The following LAMA3 variants were observed in gnomAD, a reference collection of about 807,000 sequenced individuals.
The protein encoded by LAMA3 is laminin subunit alpha-3.
In LAMA3, 281 loss-of-function variants were observed where a neutral mutation model predicts 402.0. That is an observed-to-expected ratio of 0.70 (90% CI 0.63 to 0.77). The LOEUF (loss-of-function observed/expected upper bound fraction) is 0.77. Ranked by LOEUF, LAMA3 falls within the 30% of genes least tolerant of loss-of-function variation. The probability of loss-of-function intolerance (pLI) is 0.00; values close to 1 mark genes in which losing one functional copy is unlikely to be tolerated. For synonymous variants in LAMA3, 1,431 were observed against 1,558.4 expected (o/e 0.92, Z 1.93); for missense variants, 3,840 against 4,215.5 (o/e 0.91, Z 2.47).
chr18:23,879,234 G>A lies in LAMA3; in HGVS notation c.5113-2702G>A, dbSNP rs918293007. 6.6e-6 allele frequency among the ~76,000 whole-genome samples: 1 copy of A among 152,178 alleles called. No homozygotes were observed. ...CCCACGACCCTTAGCACAGTACTGG[G>A]GGCTCTTTCTAGCTGCATCCCGCCC... On this transcript the variant is annotated intron_variant, in intron 39 of 74. Coordinates refer to ENST00000313654, the MANE Select transcript of LAMA3 (RefSeq NM_198129.4). The surrounding 1 kb of genome is among the most constrained non-coding windows in gnomAD (Gnocchi z 4.2).
rs114991225 is a variant in LAMA3, at chr18:23,744,021, G to A, written c.448-3922G>A. 1.4e-3 allele frequency among the ~76,000 whole-genome samples: 212 copies of A among 152,326 alleles called. 1 individual carries two copies. The highest frequency in any genetic ancestry group is 5.0e-3 in the African/African-American group (206 of 41,566). ...TAAGTACTGAGAGTAAAAAAGGAAT[G>A]TAGCAGAAGGAGTGATTCAACAAGC... On this transcript the variant is annotated intron_variant, in intron 2 of 74. Coordinates refer to ENST00000313654, the MANE Select transcript of LAMA3 (RefSeq NM_198129.4).
chr18:23,862,852 C>A (rs995227056), intron 35 of LAMA3, among the ~76,000 whole-genome samples: 1 of 152,172 alleles, frequency 6.6e-6, no homozygotes. Context: ...ACCCACATGG[C>A]TGTTAGCAGG....
At chr18:23,902,219 G>T (rs1281041608) in intron 48 of LAMA3, among the ~76,000 whole-genome samples, 1 of 151,978 alleles carries the variant, frequency 6.6e-6, no homozygotes, top group East Asian at 1.9e-4. Flanking sequence ...TCAGCTACTC[G>T]GGAGGCTGAG....
At chr18:23,823,881 T>C (rs550288060) in intron 20 of LAMA3, among the ~76,000 whole-genome samples, 2 of 152,322 alleles carry the variant, frequency 1.3e-5, no homozygotes, top group African/African-American at 4.8e-5. Context: ...GCATGTTCAT[T>C]AATAAAAATT....
chr18:23,882,650 C>A (rs2064939939), intron 40 of LAMA3, among the ~76,000 whole-genome samples: 1 of 151,822 alleles, frequency 6.6e-6, no homozygotes, highest in Non-Finnish European at 1.5e-5. Flanking sequence ...ACCGTCTTTC[C>A]AAGTTGTATA....
intron 64 of LAMA3, among the ~76,000 whole-genome samples, chr18:23,929,174 T>C (rs1483192297): frequency 2.6e-5 from 4 of 152,228 alleles, no homozygotes; most frequent in African/African-American, 4.8e-5. Flanking sequence ...GATTGCCTTT[T>C]TGCAGCAGCA....
At chr18:23,828,803 G>A (rs560436130) in intron 23 of LAMA3, among the ~76,000 whole-genome samples, 1 of 152,220 alleles carries the variant, frequency 6.6e-6, no homozygotes, top group South Asian at 2.1e-4. Flanking sequence ...CCAGCTTATT[G>A]ATTCAGTTTA....
intron 2 of LAMA3, among the ~76,000 whole-genome samples, chr18:23,741,700 A>C (rs760905322): frequency 6.6e-6 from 1 of 152,240 alleles, no homozygotes; most frequent in African/African-American, 2.4e-5. Context: ...ATTAATTACA[A>C]ATGTAAAAAA....
At chr18:23,818,542 G>T (rs1271756004) in intron 18 of LAMA3, among the ~76,000 whole-genome samples, 7 of 152,174 alleles carry the variant, frequency 4.6e-5, no homozygotes, top group African/African-American at 1.7e-4. Context: ...TTTTATCAGA[G>T]AATTTTTAGG....
At chr18:23,946,455 A>G in intron 70 of LAMA3, 171 bp downstream of exon 70, 1 of 772,886 alleles carries the variant, frequency 1.3e-6, no homozygotes, top group African/African-American at 1.7e-5. Flanking sequence ...CCATTTCTTA[A>G]CCCAAAGCCT....
intron 29 of LAMA3, 59 bp downstream of exon 29, chr18:23,842,809 G>T: frequency 6.2e-7 from 1 of 1,605,296 alleles, no homozygotes; most frequent in Non-Finnish European, 8.5e-7. Flanking sequence ...GGCCATTCTG[G>T]GTGTCTGTTT....
In LAMA3 at chr18:23,781,062, A is replaced by C. The variant is rs539851397; in HGVS notation, c.1469-2961A>C. 7.9e-5 allele frequency among the ~76,000 whole-genome samples: 12 copies of C among 152,312 alleles called. No homozygotes were observed. In the East Asian group the frequency reaches 2.3e-3, roughly 29 times the overall value. On this transcript the variant is annotated intron_variant, in intron 11 of 74. Coordinates refer to ENST00000313654, the MANE Select transcript of LAMA3 (RefSeq NM_198129.4). ...GACTCAAGGGATTTTCTTGAGATAT[A>C]ATCACTGTGACTTCGTAATGAGGTG... is the stretch of plus-strand genomic sequence containing the variant.
At chr18:23,926,881 C>G (rs1043548084) in intron 62 of LAMA3, among the ~76,000 whole-genome samples, 2 of 152,204 alleles carry the variant, frequency 1.3e-5, no homozygotes, top group Non-Finnish European at 2.9e-5. Context: ...TTGACGATCT[C>G]ACATTGAGTC....
chr18:23,823,211 A>G (rs1368859679), intron 20 of LAMA3, among the ~76,000 whole-genome samples: 1 of 152,178 alleles, frequency 6.6e-6, no homozygotes, highest in Admixed American at 6.6e-5. Context: ...TTCACAGAGT[A>G]ATTTAGCACC....
intron 62 of LAMA3, among the ~76,000 whole-genome samples, chr18:23,927,102 T>C (rs1235005500): frequency 6.6e-6 from 1 of 152,220 alleles, no homozygotes; most frequent in Non-Finnish European, 1.5e-5. Context: ...CAGAAACACC[T>C]GCTGAGCATT....
chr18:23,797,889 A>G (rs937509262), intron 12 of LAMA3, among the ~76,000 whole-genome samples: 4 of 152,088 alleles, frequency 2.6e-5, no homozygotes, highest in South Asian at 2.1e-4. Flanking sequence ...GAAGTGCCCT[A>G]TGGTTTTCTT....
At chr18:23,868,858 AAT>A (rs2064433031) in intron 37 of LAMA3, among the ~76,000 whole-genome samples, 1 of 152,258 alleles carries the variant, frequency 6.6e-6, no homozygotes, top group Admixed American at 6.5e-5. Context: ...ATTCCTTAAA[AAT>A]AGTGTTCCAT....
intron 36 of LAMA3, among the ~76,000 whole-genome samples, chr18:23,865,462 A>G (rs1038719583): frequency 4.6e-5 from 7 of 151,624 alleles, no homozygotes; most frequent in African/African-American, 1.5e-4. Context: ...TTATGTTTCT[A>G]TCTTTCAATT....
intron 73 of LAMA3, among the ~76,000 whole-genome samples, chr18:23,952,433 A>G (rs962345608): frequency 6.6e-6 from 1 of 152,196 alleles, no homozygotes; most frequent in East Asian, 1.9e-4. Context: ...TTTATTAATT[A>G]TTTGTGGATA....
Sources: gnomAD v4.1 joint callset for allele counts (sites outside exome capture counted in the v4.1 genomes callset) on GRCh38, gnomAD v4.1.1 for gene constraint, Gnocchi (gnomAD v3.1) non-coding constraint, MANE v1.5 for transcripts, NCBI Gene and HGNC (gene_info 2026-07-23, HGNC 2026-07-21) for gene names.